WDR41: variants seen among roughly 807,000 people sequenced by gnomAD.
WDR41 encodes the protein WD repeat domain 41.
WDR41 carries 63 observed loss-of-function variants against 69.3 expected under a neutral mutation model. The observed-to-expected ratio is 0.91, with a 90% CI of 0.74 to 1.12. The LOEUF is 1.12. Among genes scored for constraint, WDR41 ranks in the 50% most tolerant of loss-of-function variants. The pLI is 0.00. For missense variants in WDR41, 543 were observed against 534.5 expected (o/e 1.02, Z -0.16); for synonymous variants, 185 against 192.1 (o/e 0.96, Z 0.31).
At chr5:77,572,950 A>G (rs1349724690) in intron 1 of WDR41, among the ~76,000 whole-genome samples, 4 of 152,166 alleles carry the variant, frequency 2.6e-5, no homozygotes, top group African/African-American at 9.7e-5. Flanking sequence ...AGCAGTTTCT[A>G]TGTATTTCCT....
intron 1 of WDR41, among the ~76,000 whole-genome samples, chr5:77,549,245 G>C (rs1191966320): frequency 6.6e-6 from 1 of 152,104 alleles, no homozygotes. Context: ...GCTTACTCAT[G>C]TAACAAATAT....
chr5:77,509,411 T>C (rs1371080192), intron 1 of WDR41, among the ~76,000 whole-genome samples: 1 of 152,160 alleles, frequency 6.6e-6, no homozygotes, highest in Non-Finnish European at 1.5e-5. Flanking sequence ...ACACAGAAAC[T>C]TGTACATGTA....
At chr5:77,518,932 A>T (rs1802332931) in intron 1 of WDR41, among the ~76,000 whole-genome samples, 1 of 152,058 alleles carries the variant, frequency 6.6e-6, no homozygotes, top group Non-Finnish European at 1.5e-5. Flanking sequence ...ATAAATTGTT[A>T]ATTTTCTAAG....
At chr5:77,529,766 G>C (rs1012967355) in intron 1 of WDR41, among the ~76,000 whole-genome samples, 1 of 151,446 alleles carries the variant, frequency 6.6e-6, no homozygotes, top group Admixed American at 6.6e-5. Context: ...AGAATGGTGG[G>C]GAAATAGTGA....
chr5:77,479,745 T>C (rs1801134176), intron 2 of WDR41, among the ~76,000 whole-genome samples: 1 of 152,140 alleles, frequency 6.6e-6, no homozygotes, highest in Non-Finnish European at 1.5e-5. Context: ...ACCATTACCA[T>C]TCAGGACATA....
At chr5:77,504,141 A>G (rs1802067856) in intron 1 of WDR41, among the ~76,000 whole-genome samples, 1 of 150,156 alleles carries the variant, frequency 6.7e-6, no homozygotes. Context: ...AAGACTAATA[A>G]AGAAAAAAAA....
At chr5:77,473,215 T>A (rs574443645) in intron 2 of WDR41, among the ~76,000 whole-genome samples, 40 of 152,314 alleles carry the variant, frequency 2.6e-4, no homozygotes, top group African/African-American at 9.4e-4. Context: ...ATTTAATAAA[T>A]GGTGCTGGGA....
intron 1 of WDR41, among the ~76,000 whole-genome samples, chr5:77,605,528 C>T (rs1050022829): frequency 6.6e-6 from 1 of 152,148 alleles, no homozygotes; most frequent in Non-Finnish European, 1.5e-5. Flanking sequence ...CTCTACGGGA[C>T]CAAAAGGGAC....
chr5:77,498,915 G>A (rs1319505660), intron 1 of WDR41, among the ~76,000 whole-genome samples: 1 of 151,602 alleles, frequency 6.6e-6, no homozygotes, highest in African/African-American at 2.4e-5. Context: ...AGAAAAAATT[G>A]ATAAATTGTA....
intron 1 of WDR41, among the ~76,000 whole-genome samples, chr5:77,528,521 A>G (rs1581786905): frequency 6.6e-6 from 1 of 151,734 alleles, no homozygotes; most frequent in African/African-American, 2.4e-5. Flanking sequence ...CTATCATTCA[A>G]CTTCTTCTGT....
At chr5:77,605,812 TA>T (rs972907690) in intron 1 of WDR41, among the ~76,000 whole-genome samples, 1 of 151,882 alleles carries the variant, frequency 6.6e-6, no homozygotes, top group South Asian at 2.1e-4. Context: ...CCTTTGTGCT[TA>T]AAAAAAATAT....
chr5:77,615,775 T>C (rs922062114), intron 1 of WDR41, among the ~76,000 whole-genome samples: 1 of 150,264 alleles, frequency 6.7e-6, no homozygotes, highest in African/African-American at 2.4e-5. Context: ...GGTGGATCAC[T>C]TGAGGTCAGA....
At chr5:77,517,454 C>T (rs1026775790) in intron 1 of WDR41, among the ~76,000 whole-genome samples, 1 of 152,098 alleles carries the variant, frequency 6.6e-6, no homozygotes, top group Non-Finnish European at 1.5e-5. Flanking sequence ...TTAAATGCCC[C>T]TGCTGCAGCT....
chr5:77,508,032 T>A (rs1229039153), intron 1 of WDR41, among the ~76,000 whole-genome samples: 1 of 152,158 alleles, frequency 6.6e-6, no homozygotes, highest in African/African-American at 2.4e-5. Context: ...CTACTGAGCC[T>A]CTCCAGTAAA....
At chr5:77,525,543 A>C (rs368390698) in intron 1 of WDR41, among the ~76,000 whole-genome samples, 12 of 151,998 alleles carry the variant, frequency 7.9e-5, no homozygotes, top group African/African-American at 2.9e-4. Flanking sequence ...CAGGAACCAC[A>C]AAAAAAATGT....
intron 12 of WDR41, among the ~76,000 whole-genome samples, chr5:77,433,925 T>C (rs1246620831): frequency 1.3e-5 from 2 of 152,036 alleles, no homozygotes; most frequent in Admixed American, 1.3e-4. Flanking sequence ...AAGCTAAGAA[T>C]AGGAAAACAG....
chr5:77,440,788 T>C, intron 9 of WDR41, 25 bp downstream of exon 9: 1 of 1,610,812 alleles, frequency 6.2e-7, no homozygotes, highest in Non-Finnish European at 8.5e-7. Flanking sequence ...AAGGCAAGTT[T>C]ATAGATAGTG....
chr5:77,571,110 T>C (rs1743725412), intron 1 of WDR41, among the ~76,000 whole-genome samples: 1 of 152,118 alleles, frequency 6.6e-6, no homozygotes, highest in South Asian at 2.1e-4. Flanking sequence ...TCAGTGTCAA[T>C]GAATGCTCCA....
chr5:77,451,433 T>C, intron 6 of WDR41, 80 bp from the exon 7 acceptor site: 1 of 1,317,766 alleles, frequency 7.6e-7, no homozygotes, highest in Admixed American at 1.8e-5. Flanking sequence ...CAGTTTTATG[T>C]CAGTCGTTTT....
Sources: gnomAD v4.1 joint callset for allele counts (sites outside exome capture counted in the v4.1 genomes callset) on GRCh38, gnomAD v4.1.1 for gene constraint, MANE v1.5 for transcripts, NCBI Gene and HGNC (gene_info 2026-07-23, HGNC 2026-07-21) for gene names.